The following ATXN7L1 variants were observed in gnomAD, a reference collection of about 807,000 sequenced individuals.
The protein encoded by ATXN7L1 is ataxin-7-like protein 1.
Under a neutral mutation model 70.8 loss-of-function variants are expected in ATXN7L1, and 15 were observed. The observed-to-expected ratio is 0.21, with a 90% CI of 0.14 to 0.33. The LOEUF is 0.33. ATXN7L1 is among the 10% of genes least tolerant of loss of function. ATXN7L1 has a pLI of 1.00. For missense variants in ATXN7L1, 975 were observed against 1,097.1 expected, an observed-to-expected ratio of 0.89 and a Z score of 1.57; for synonymous variants, 440 against 445.1, an observed-to-expected ratio of 0.99 and a Z score of 0.14.
intron 3 of ATXN7L1, among the ~76,000 whole-genome samples, chr7:105,710,761 C>G (rs868014828): frequency 6.6e-6 from 1 of 152,156 alleles, no homozygotes; most frequent in Non-Finnish European, 1.5e-5. Flanking sequence ...GTGCCACACA[C>G]TTTTAAAGCA....
At chr7:105,829,891 CTG>C (rs1415748987) in intron 2 of ATXN7L1, among the ~76,000 whole-genome samples, 1 of 152,176 alleles carries the variant, frequency 6.6e-6, no homozygotes, top group African/African-American at 2.4e-5. Context: ...TTGTTGCAAA[CTG>C]TGCAAATCAG....
At chr7:105,611,165 A>AGAACGCTGTC (rs766966862) in intron 10 of ATXN7L1, among the ~76,000 whole-genome samples, 57 of 152,300 alleles carry the variant, frequency 3.7e-4, no homozygotes, top group Non-Finnish European at 6.6e-4. Context: ...TGGATGGAGG[A>AGAACGCTGTC]CAGGAACGCT....
chr7:105,672,420 T>A (rs1395132343), intron 3 of ATXN7L1, among the ~76,000 whole-genome samples: 1 of 152,236 alleles, frequency 6.6e-6, no homozygotes, highest in Non-Finnish European at 1.5e-5. Context: ...CATATCAAAT[T>A]CCCACATACT....
At chr7:105,627,841 G>GTTTTTTTT (rs36028028) in intron 7 of ATXN7L1, among the ~76,000 whole-genome samples, 3 of 86,446 alleles carry the variant, frequency 3.5e-5, no homozygotes, top group African/African-American at 5.0e-5. Flanking sequence ...CCTGTCTTTA[G>GTTTTTTTT]TTTTTTTTTT....
intron 7 of ATXN7L1, among the ~76,000 whole-genome samples, chr7:105,636,930 C>T (rs1439874073): frequency 1.3e-5 from 2 of 152,158 alleles, no homozygotes; most frequent in East Asian, 1.9e-4. Flanking sequence ...TTAAAAGTCG[C>T]TGTATATACA....
At chr7:105,608,191 T>C (rs182503147) in intron 11 of ATXN7L1, among the ~76,000 whole-genome samples, 5 of 152,304 alleles carry the variant, frequency 3.3e-5, no homozygotes, top group East Asian at 1.9e-4. Flanking sequence ...GACAGAATAA[T>C]TGATGCCTTC....
intron 2 of ATXN7L1, among the ~76,000 whole-genome samples, chr7:105,807,622 T>G (rs1216422004): frequency 6.6e-6 from 1 of 152,222 alleles, no homozygotes; most frequent in Non-Finnish European, 1.5e-5. Flanking sequence ...CAGACACTTA[T>G]AAAATACTTA....
intron 5 of ATXN7L1, among the ~76,000 whole-genome samples, chr7:105,641,160 TG>T (rs1798116861): frequency 1.4e-5 from 2 of 143,686 alleles, no homozygotes; most frequent in Non-Finnish European, 3.0e-5. Context: ...GTTACCAAAA[TG>T]CCTCCCCCCT....
intron 3 of ATXN7L1, among the ~76,000 whole-genome samples, chr7:105,758,330 A>G (rs1243832935): frequency 3.9e-5 from 6 of 152,174 alleles, no homozygotes; most frequent in Non-Finnish European, 8.8e-5. Context: ...TAATCCTCAT[A>G]CCACCTCTCT....
intron 2 of ATXN7L1, among the ~76,000 whole-genome samples, chr7:105,843,423 A>C (rs1813517833): frequency 6.6e-6 from 1 of 152,238 alleles, no homozygotes; most frequent in Admixed American, 6.5e-5. Flanking sequence ...CACATGACAG[A>C]TCCATCTAGG....
In ATXN7L1 at chr7:105,732,526, T is replaced by A. The variant is rs557448400; in HGVS notation, c.355+56078A>T. Among the ~76,000 whole-genome samples the A allele has an allele frequency of 5.9e-5, 9 of 152,272 alleles. No individual in the cohort carries two copies. In the East Asian group the frequency reaches 1.3e-3, roughly 23 times the overall value. On this transcript the variant is annotated intron_variant, in intron 3 of 11. Coordinates refer to ENST00000419735, the MANE Select transcript of ATXN7L1 (RefSeq NM_020725.2). ...ACTTCAGATGATAGTGGAAATAAAT[T>A]CATAGTTTGATTTAGCAGCTTGGGA...
intron 3 of ATXN7L1, among the ~76,000 whole-genome samples, chr7:105,734,343 C>T (rs182038228): frequency 6.6e-6 from 1 of 152,152 alleles, no homozygotes; most frequent in African/African-American, 2.4e-5. Context: ...CAAAAAAACC[C>T]AACTACAGTC....
chr7:105,770,218 C>T (rs1042266875), intron 3 of ATXN7L1, among the ~76,000 whole-genome samples: 3 of 152,192 alleles, frequency 2.0e-5, no homozygotes, highest in South Asian at 2.1e-4. Flanking sequence ...GCATAGATGG[C>T]GTTTCTGCTC....
rs1793469318 is a variant in ATXN7L1 at position 105,614,070 on chromosome 7, C to T, written c.2264G>A (p.Gly755Glu). The T allele has an allele frequency of 1.9e-6, 3 of 1,551,674 alleles. No individual in the cohort carries two copies. The highest frequency in any genetic ancestry group is 1.2e-5 in the South Asian group (1 of 84,072). Residue 755 changes from glycine (G) to glutamate (E), a missense_variant, in exon 10 of 12, where the codon GGG (glycine) becomes GAG (glutamate). Around this residue, in one of 5 missense-constraint regions of ATXN7L1, gnomAD observed 635 missense variants for 699.4 expected, o/e 0.91. Transcript: ENST00000419735. This position sits in a 1 kb window ranked among gnomAD's most constrained non-coding sequence, Gnocchi z 4.3. ...ATTGTGTGAGGCCAGAGAGAGGTCCCCTGCGTGGAGCGCAAGGGAGGGCAC... is the reference window on the plus strand; with the variant it reads ...ATTGTGTGAGGCCAGAGAGAGGTCCTCTGCGTGGAGCGCAAGGGAGGGCAC... ...LSVPSLALHA[G>E]DLSLASHNAV...
intron 11 of ATXN7L1, among the ~76,000 whole-genome samples, chr7:105,610,071 G>A (rs1315720724): frequency 3.9e-5 from 6 of 152,122 alleles, no homozygotes; most frequent in Admixed American, 2.6e-4. Flanking sequence ...ATGCCCGGCC[G>A]CAAGTCCCTT....
intron 2 of ATXN7L1, among the ~76,000 whole-genome samples, chr7:105,869,646 A>C (rs1817959262): frequency 6.6e-6 from 1 of 152,222 alleles, no homozygotes; most frequent in Admixed American, 6.5e-5. Flanking sequence ...TAGTCACAGC[A>C]ATATCTTACT....
intron 3 of ATXN7L1, among the ~76,000 whole-genome samples, chr7:105,734,369 C>T (rs146581288): frequency 3.0e-3 from 463 of 152,328 alleles, no homozygotes; most frequent in African/African-American, 0.011. Context: ...CTCAGACTGC[C>T]TCTCAGTGGG....
chr7:105,733,764 CTCCATCCG>C, intron 3 of ATXN7L1, among the ~76,000 whole-genome samples: 1 of 68,816 alleles, frequency 1.5e-5, no homozygotes, highest in Non-Finnish European at 2.8e-5. Context: ...CCATCCACCC[CTCCATCCG>C]TCCACCCATC....
At chr7:105,689,187 C>T (rs1790404639) in intron 3 of ATXN7L1, among the ~76,000 whole-genome samples, 2 of 152,084 alleles carry the variant, frequency 1.3e-5, no homozygotes, top group Non-Finnish European at 2.9e-5. Flanking sequence ...AGTGGGCTCA[C>T]AAATGCTCAC....
Sources: allele counts gnomAD v4.1 joint callset (sites outside exome capture counted in the v4.1 genomes callset), GRCh38; gene constraint gnomAD v4.1.1; regional missense constraint gnomAD v4.1.1; non-coding constraint Gnocchi (gnomAD v3.1); transcripts MANE v1.5; gene names NCBI Gene and HGNC (gene_info 2026-07-23, HGNC 2026-07-21).